Variants in SSBP1 observed in about 807,000 individuals in gnomAD.
The protein encoded by SSBP1 is single-stranded DNA-binding protein, mitochondrial.
In SSBP1, 20 loss-of-function variants were observed where a neutral mutation model predicts 27.0. The observed-to-expected ratio is 0.74, with a 90% CI of 0.52 to 1.08. SSBP1 has a LOEUF of 1.08. Among genes scored for constraint, SSBP1 ranks in the 50% least tolerant of loss-of-function variants. The probability of loss-of-function intolerance (pLI) is 0.00; values close to 1 mark genes in which losing one functional copy is unlikely to be tolerated. For missense variants in SSBP1, 137 were observed against 182.4 expected, an observed-to-expected ratio of 0.75 and a Z score of 1.44; for synonymous variants, 59 against 59.3, an observed-to-expected ratio of 1.00 and a Z score of 0.02.
intron 2 of SSBP1, chr7:141,739,477 G>A (rs1224563675): frequency 6.5e-6 from 2 of 309,092 alleles, no homozygotes; most frequent in Non-Finnish European, 1.2e-5. Flanking sequence ...GGTCTTTAGT[G>A]ACCTAAAGAC....
At chr7:141,739,007 T>C in intron 1 of SSBP1, 117 bp from the exon 2 acceptor site, 1 of 535,604 alleles carries the variant, frequency 1.9e-6, no homozygotes, top group Non-Finnish European at 3.3e-6. Context: ...TGGTACGTTG[T>C]GGTCACAAAA....
chr7:141,739,690 C>G (rs965899735), intron 2 of SSBP1: 9 of 152,298 alleles, frequency 5.9e-5, no homozygotes, highest in African/African-American at 2.2e-4. Flanking sequence ...TTTCCAGACA[C>G]TAGCCCACCT....
At chr7:141,741,782 G>A (rs1799543063) in intron 2 of SSBP1, 9 of 1,001,784 alleles carry the variant, frequency 9.0e-6, no homozygotes, top group Non-Finnish European at 1.1e-5. Flanking sequence ...ATACTTGGCA[G>A]CAACTCTTAG....
At chr7:141,744,924 G>A (rs767983149) in intron 5 of SSBP1, among the ~76,000 whole-genome samples, 1 of 152,032 alleles carries the variant, frequency 6.6e-6, no homozygotes, top group Admixed American at 6.5e-5. Context: ...TGAAAATCAC[G>A]ATTAGGTTTG....
intron 6 of SSBP1, 167 bp downstream of exon 6, chr7:141,745,751 A>G (rs1311118067): frequency 7.4e-7 from 1 of 1,350,480 alleles, no homozygotes; most frequent in Non-Finnish European, 9.6e-7. Flanking sequence ...AAGAGTTTGT[A>G]CATTTATCCC....
rs1799364089 is a variant in SSBP1 at position 141,738,409 on chromosome 7, A to T, written c.-45A>T. The T allele has an allele frequency of 6.6e-6, 1 of 152,402 alleles. No individual in the cohort carries two copies. Among genetic ancestry groups the T allele is most frequent in the Non-Finnish European group, 1.5e-5 (1 of 68,100 alleles). 9.4% of individuals were successfully genotyped at this position (152,402 alleles called of 1,614,324 possible). ...GCTGGGCTGCTCGGGTTAGATCGTCAGGTGAGGGAGGAAGGGATAGCCAGC... is the reference window on the plus strand; with the variant it reads ...GCTGGGCTGCTCGGGTTAGATCGTCTGGTGAGGGAGGAAGGGATAGCCAGC... On this transcript the variant is annotated splice_region_variant and 5_prime_UTR_variant, in exon 1 of 7. Coordinates refer to ENST00000265304, the MANE Select transcript of SSBP1 (RefSeq NM_003143.3).
chr7:141,743,430 C>T (rs1247329666), intron 3 of SSBP1, 131 bp from the exon 4 acceptor site: 4 of 1,075,148 alleles, frequency 3.7e-6, no homozygotes, highest in Non-Finnish European at 5.4e-6. Context: ...GCCTAATTAC[C>T]TTTTAAGGAT....
intron 1 of SSBP1, 86 bp from the exon 2 acceptor site, chr7:141,739,038 G>A: frequency 1.4e-6 from 1 of 696,230 alleles, no homozygotes; most frequent in Non-Finnish European, 2.3e-6. Flanking sequence ...TAAAAATTAT[G>A]AATATAGTTA....
intron 2 of SSBP1, chr7:141,739,949 A>C (rs1422913940): frequency 6.6e-6 from 1 of 152,110 alleles, no homozygotes; most frequent in African/African-American, 2.4e-5. Flanking sequence ...GCTTCTTAAC[A>C]CTAACGTTAC....
At chr7:141,741,914 G>A (rs1584762410) in intron 2 of SSBP1, 1 of 627,960 alleles carries the variant, frequency 1.6e-6, no homozygotes, top group East Asian at 3.5e-5. Flanking sequence ...AAAATAAATG[G>A]GAGTACTATA....
intron 6 of SSBP1, 139 bp downstream of exon 6, chr7:141,745,723 C>T: frequency 7.2e-7 from 1 of 1,394,294 alleles, no homozygotes; most frequent in Non-Finnish European, 9.4e-7. Flanking sequence ...GTCCATAACT[C>T]TTATTTCTCT....
intron 5 of SSBP1, among the ~76,000 whole-genome samples, chr7:141,744,578 G>A (rs1456430058): frequency 2.0e-5 from 3 of 152,202 alleles, no homozygotes; most frequent in Non-Finnish European, 4.4e-5. Context: ...CAGTTGTATT[G>A]ATAGTTAATA....
intron 5 of SSBP1, among the ~76,000 whole-genome samples, chr7:141,744,408 T>C (rs1799690415): frequency 6.6e-6 from 1 of 152,236 alleles, no homozygotes; most frequent in Non-Finnish European, 1.5e-5. Context: ...GGATCTGGAA[T>C]GTCTGAAGCC....
At chr7:141,744,274 A>G (rs1244073016) in intron 5 of SSBP1, among the ~76,000 whole-genome samples, 2 of 152,250 alleles carry the variant, frequency 1.3e-5, no homozygotes, top group African/African-American at 4.8e-5. Context: ...GAGAGAAGGC[A>G]AAGTGTATCA....
chr7:141,750,068 A>G (rs1799908948), intron 6 of SSBP1, among the ~76,000 whole-genome samples: 1 of 152,232 alleles, frequency 6.6e-6, no homozygotes, highest in African/African-American at 2.4e-5. Flanking sequence ...AAGACAAGAA[A>G]TATCCCACCT....
In SSBP1 at chr7:141,744,003, G is replaced by A; in HGVS notation, c.314+14G>A. ...TGTGAAAAAGGGGTAAGTTGAAGAG[G>A]GAAGGATCTTATGAATTGAATGATT... On this transcript the variant is annotated intron_variant, in intron 5 of 6. Transcript: ENST00000265304. The A allele has an allele frequency of 1.9e-6, 3 of 1,604,034 alleles. No homozygotes were observed. Among genetic ancestry groups the A allele is most frequent in the South Asian group, 2.2e-5 (2 of 89,530 alleles).
intron 2 of SSBP1, chr7:141,740,801 G>A (rs540906143): frequency 6.6e-6 from 1 of 152,276 alleles, no homozygotes; most frequent in South Asian, 2.1e-4. Context: ...ATTAGGCTAA[G>A]CTCACTACTG....
At chr7:141,742,955 T>C (rs532080370) in intron 3 of SSBP1, among the ~76,000 whole-genome samples, 134 of 152,238 alleles carry the variant, frequency 8.8e-4, no homozygotes, top group Non-Finnish European at 1.5e-3. Flanking sequence ...CCCGGGTTCA[T>C]GCCATTCTCC....
chr7:141,747,181 A>G (rs1051959069), intron 6 of SSBP1, among the ~76,000 whole-genome samples: 9 of 152,138 alleles, frequency 5.9e-5, no homozygotes, highest in Non-Finnish European at 1.0e-4. Context: ...TATTGGAAAT[A>G]TGTCTTTAAA....
Sources: gnomAD v4.1 joint callset for allele counts (sites outside exome capture counted in the v4.1 genomes callset) on GRCh38, gnomAD v4.1.1 for gene constraint, MANE v1.5 for transcripts, NCBI Gene and HGNC (gene_info 2026-07-23, HGNC 2026-07-21) for gene names.